PCNX2: variants seen among roughly 807,000 people sequenced by gnomAD.
PCNX2 encodes pecanex-like protein 2.
PCNX2 carries 168 observed loss-of-function variants against 223.8 expected under a neutral mutation model. The ratio of observed to expected loss-of-function variants is 0.75; its 90% CI spans 0.66 to 0.85. The LOEUF (loss-of-function observed/expected upper bound fraction) is 0.85, where lower values mean the gene tolerates loss of function less well. Ranked by LOEUF, PCNX2 falls within the 40% of genes least tolerant of loss-of-function variation. The pLI, the probability that PCNX2 is intolerant of heterozygous loss-of-function variation, is 0.00. For synonymous variants in PCNX2, 1,006 were observed against 1,052.6 expected (o/e 0.96, Z 0.86); for missense variants, 2,507 against 2,675.5 (o/e 0.94, Z 1.39).
intron 19 of PCNX2, among the ~76,000 whole-genome samples, chr1:233,158,772 C>G (rs1441771446): frequency 1.3e-5 from 2 of 152,120 alleles, no homozygotes; most frequent in Non-Finnish European, 2.9e-5. Flanking sequence ...TAACAAACCC[C>G]AAAACACTCC....
At chr1:233,032,230 G>T (rs1671295160) in intron 25 of PCNX2, among the ~76,000 whole-genome samples, 1 of 152,014 alleles carries the variant, frequency 6.6e-6, no homozygotes, top group African/African-American at 2.4e-5. Context: ...AGCCTCCCAA[G>T]TAGCTGGGAT....
chr1:233,161,719 G>C (rs1044695089), intron 17 of PCNX2, among the ~76,000 whole-genome samples: 1 of 152,134 alleles, frequency 6.6e-6, no homozygotes, highest in African/African-American at 2.4e-5. Flanking sequence ...ACACAGATCA[G>C]ATATGAGATT....
intron 24 of PCNX2, among the ~76,000 whole-genome samples, chr1:233,056,364 C>G (rs1344671697): frequency 6.6e-6 from 1 of 152,200 alleles, no homozygotes; most frequent in Non-Finnish European, 1.5e-5. Flanking sequence ...ACATTGACCA[C>G]ACATTTGCAT....
chr1:233,172,414 C>T (rs1376242917), intron 17 of PCNX2: 1 of 985,274 alleles, frequency 1.0e-6, no homozygotes, highest in South Asian at 4.7e-5. Flanking sequence ...ACTTGTGCTG[C>T]AAATCCATGC....
chr1:233,251,468 T>C (rs1039567984), intron 7 of PCNX2, among the ~76,000 whole-genome samples: 1 of 152,224 alleles, frequency 6.6e-6, no homozygotes, highest in Non-Finnish European at 1.5e-5. Context: ...ACTAGTGCCT[T>C]CTTCAGTTGA....
rs142053669 is a variant in PCNX2 at position 232,984,397 on chromosome 1, C to T, written c.6321G>A (p.Ala2107=). 5.6e-4 allele frequency: 905 copies of T among 1,613,640 alleles called. 4 individuals carry two copies. The Middle Eastern group carries it at 0.015, about 27-fold the overall frequency. ...TCCTGCAGACAACCCCGAGAGTGTC[C>T]GCCACAGCCTCAGCCAGACATCGGT... ...LHDRCLAEAV[A]DTLGVVCRRA... Residue 2107 remains alanine, a synonymous_variant, in exon 34 of 34, where the codon GCG becomes GCA. Coordinates refer to ENST00000258229, the MANE Select transcript of PCNX2 (RefSeq NM_014801.4).
chr1:233,063,072 A>C (rs1672462316), intron 23 of PCNX2, among the ~76,000 whole-genome samples: 1 of 152,154 alleles, frequency 6.6e-6, no homozygotes, highest in African/African-American at 2.4e-5. Context: ...CCCTGTCTCT[A>C]CTAAAAATAT....
chr1:233,210,769 C>T (rs1483623869), intron 12 of PCNX2, among the ~76,000 whole-genome samples: 1 of 152,190 alleles, frequency 6.6e-6, no homozygotes, highest in Non-Finnish European at 1.5e-5. Context: ...TCATTTGACA[C>T]CATCAGGCCC....
At chr1:233,191,781 C>G (rs974060926) in intron 15 of PCNX2, among the ~76,000 whole-genome samples, 6 of 152,198 alleles carry the variant, frequency 3.9e-5, no homozygotes, top group Non-Finnish European at 7.3e-5. Flanking sequence ...AAGGGGTTAG[C>G]AGACATTTTA....
chr1:233,111,307 T>C (rs1675103413), intron 21 of PCNX2, among the ~76,000 whole-genome samples: 1 of 152,242 alleles, frequency 6.6e-6, no homozygotes, highest in Non-Finnish European at 1.5e-5. Flanking sequence ...AATGAGGTCA[T>C]CCATGTACAT....
intron 22 of PCNX2, among the ~76,000 whole-genome samples, chr1:233,094,690 G>C (rs1303571702): frequency 1.3e-5 from 2 of 152,090 alleles, no homozygotes; most frequent in African/African-American, 4.8e-5. Flanking sequence ...GATTCCTTAA[G>C]AATTGTCTTA....
Position 232,986,253 on chromosome 1 carries a change from A to G in PCNX2, c.6079T>C (p.Ser2027Pro), listed in dbSNP as rs754516178. 1 of 1,560,756 alleles carries G rather than the reference A, an allele frequency of 6.4e-7. No individual in the cohort carries two copies. The highest frequency in any genetic ancestry group is 1.2e-5 in the South Asian group (1 of 84,640). The change falls in exon 33 of 34, where the codon TCC becomes CCC. Residue 2027 changes from serine (S) to proline (P), a missense_variant. Transcript: ENST00000258229. ...IRSSLGSSTS[S>P]TLSFLFGKRS... ...TTGCCGAAGAGGAAGCTCAGGGTGG[A>G]GCTGGTGGAGGAGCCCAGGCTGGAC...
chr1:233,291,117 G>A (rs1661738922), intron 1 of PCNX2: 3 of 983,484 alleles, frequency 3.1e-6, no homozygotes, highest in Non-Finnish European at 3.6e-6. Flanking sequence ...TCCTGGAAGG[G>A]CCAAAGACTC....
chr1:233,129,694 G>A (rs972426210), intron 21 of PCNX2, among the ~76,000 whole-genome samples: 20 of 152,328 alleles, frequency 1.3e-4, no homozygotes, highest in African/African-American at 4.8e-4. Flanking sequence ...TGGGCACTCA[G>A]TATCTAGCTG....
chr1:233,066,165 GTC>G (rs1672600586), intron 23 of PCNX2, among the ~76,000 whole-genome samples: 3 of 152,166 alleles, frequency 2.0e-5, no homozygotes, highest in African/African-American at 7.2e-5. Context: ...GCCTTACTCA[GTC>G]TCTGATTGTC....
At chr1:233,094,955 C>T (rs547453400) in intron 22 of PCNX2, among the ~76,000 whole-genome samples, 1 of 152,270 alleles carries the variant, frequency 6.6e-6, no homozygotes, top group Admixed American at 6.5e-5. Context: ...CAAGTGGTCC[C>T]TGTTTCCTGG....
chr1:233,317,695 T>C, the PCNX2 span, among the ~76,000 whole-genome samples: 1 of 152,154 alleles, frequency 6.6e-6, no homozygotes, highest in Non-Finnish European at 1.5e-5. Context: ...AAATATGCCT[T>C]CTATTGAATT....
intron 23 of PCNX2, chr1:233,089,848 T>A: frequency 7.7e-7 from 1 of 1,304,338 alleles, no homozygotes; most frequent in Non-Finnish European, 9.7e-7. Flanking sequence ...TAGTATTCGT[T>A]GGCTAATTTG....
At position 233,054,329 on chromosome 1, in the gene PCNX2, A is replaced by G. The variant is rs369281345; in HGVS notation, c.4290T>C (p.Val1430=). ...ILASDDLNAF[V]HLIEIGNGLV... ...GACCATTTCCAATTTCAATCAGGTG[A>G]ACAAAGGCATTGAGGTCATCTGAAG... Residue 1430 remains valine (V), a synonymous_variant, in exon 25 of 34, where the codon GTT becomes GTC. Coordinates refer to ENST00000258229, the MANE Select transcript of PCNX2 (RefSeq NM_014801.4). 5.9e-5 allele frequency: 95 copies of G among 1,613,826 alleles called. No individual in the cohort carries two copies. Among genetic ancestry groups the G allele is most frequent in the Non-Finnish European group, 7.5e-5 (88 of 1,179,884 alleles).
Sources: gnomAD v4.1 joint callset for allele counts (sites outside exome capture counted in the v4.1 genomes callset) on GRCh38, gnomAD v4.1.1 for gene constraint, MANE v1.5 for transcripts, NCBI Gene and HGNC (gene_info 2026-07-23, HGNC 2026-07-21) for gene names.